The following DET1 variants were observed in gnomAD, a reference collection of about 807,000 sequenced individuals.
DET1 encodes the protein DET1 homolog.
DET1 carries 22 observed loss-of-function variants against 43.7 expected under a neutral mutation model. The ratio of observed to expected loss-of-function variants is 0.50; its 90% CI spans 0.36 to 0.72. DET1 has a LOEUF of 0.72. Ranked by LOEUF, DET1 falls within the 30% of genes least tolerant of loss-of-function variation. The pLI, the probability that DET1 is intolerant of heterozygous loss-of-function variation, is 0.00. For synonymous variants in DET1, 315 were observed against 266.2 expected, an observed-to-expected ratio of 1.18 and a Z score of -1.79; for missense variants, 713 against 713.3, an observed-to-expected ratio of 1.00 and a Z score of 0.00.
chr15:88,513,281 T>C (rs1340270227), intron 4 of DET1, 141 bp from the exon 5 acceptor site: 1 of 821,040 alleles, frequency 1.2e-6, no homozygotes, highest in Non-Finnish European at 1.9e-6. Context: ...CAGCCCCAGG[T>C]TATCAGAAGT....
intron 1 of DET1, among the ~76,000 whole-genome samples, chr15:88,541,406 G>A (rs1035708555): frequency 1.3e-5 from 2 of 150,832 alleles, no homozygotes; most frequent in East Asian, 2.0e-4. Context: ...CTGGTTCCCC[G>A]GGTCCCCTTA....
Position 88,543,931 on chromosome 15 carries a change from G to A in DET1, c.-11+2609C>T, listed in dbSNP as rs374176549. On this transcript the variant is annotated intron_variant, in intron 1 of 4. Transcript: ENST00000268148. Reference sequence around the variant, plus strand: ...TAGGCCACCGTCTCTGAGAAAACTCGCCAGAAGAAAAGTGGGAAATTGACT... The same window carrying A: ...TAGGCCACCGTCTCTGAGAAAACTCACCAGAAGAAAAGTGGGAAATTGACT... Among the ~76,000 whole-genome samples the A allele has an allele frequency of 7.5e-4, 114 of 152,292 alleles. No homozygotes were observed. In the South Asian group the frequency reaches 0.02, roughly 27 times the overall value.
At chr15:88,528,462 T>C (rs983614491) in intron 2 of DET1, among the ~76,000 whole-genome samples, 9 of 152,256 alleles carry the variant, frequency 5.9e-5, no homozygotes, top group African/African-American at 1.9e-4. Context: ...ATAAATGTTC[T>C]TTCAGCCAAG....
Position 88,532,802 on chromosome 15 carries a change from A to T in DET1, c.-10-1087T>A, listed in dbSNP as rs141934522. ...ACAAAAATTAACCCAAAATAGGAAA[A>T]GAATCTAAATATAAGACCCATAACT... is the stretch of plus-strand genomic sequence containing the variant. On this transcript the variant is annotated intron_variant, in intron 1 of 4. Transcript: ENST00000268148. 5.6e-3 allele frequency among the ~76,000 whole-genome samples: 846 copies of T among 152,368 alleles called. 10 individuals carry two copies. The highest frequency in any genetic ancestry group is 0.019 in the African/African-American group (810 of 41,592).
intron 2 of DET1, among the ~76,000 whole-genome samples, chr15:88,529,532 A>G (rs2142304187): frequency 6.6e-6 from 1 of 152,324 alleles, no homozygotes; most frequent in South Asian, 2.1e-4. Context: ...TTCTTTTTAG[A>G]ACACATAAAC....
At chr15:88,528,875 G>C (rs144278098) in intron 2 of DET1, among the ~76,000 whole-genome samples, 1 of 152,146 alleles carries the variant, frequency 6.6e-6, no homozygotes, top group African/African-American at 2.4e-5. Flanking sequence ...ATTAAATTTG[G>C]CTGTAAATTA....
rs546700079 is a variant in DET1 at position 88,516,880 on chromosome 15, G to A, written c.1365C>T (p.Tyr455=). Residue 455 remains tyrosine, a synonymous_variant, in exon 4 of 5, where the codon TAC becomes TAT. Coordinates refer to ENST00000268148, the MANE Select transcript of DET1 (RefSeq NM_001144074.3). The surrounding 1 kb of genome is among the most constrained non-coding windows in gnomAD (Gnocchi z 4.4). ...ACAAATCCAGATAGGGGCTACCGCTGTAAGACTGAGCACTGATGGGGAGCT... is the reference window on the plus strand; with the variant it reads ...ACAAATCCAGATAGGGGCTACCGCTATAAGACTGAGCACTGATGGGGAGCT... ...LGQLPISAQS[Y]SGSPYLDLSL... 2.5e-6 allele frequency: 4 copies of A among 1,611,554 alleles called. No homozygotes were observed. The highest frequency in any genetic ancestry group is 2.7e-5 in the African/African-American group (2 of 74,968).
chr15:88,522,512 G>GTTTTTTGTTTTTTT (rs759224241), intron 3 of DET1, among the ~76,000 whole-genome samples: 2 of 80,258 alleles, frequency 2.5e-5, no homozygotes, highest in African/African-American at 1.0e-4. Context: ...AATGTTCCTG[G>GTTTTTTGTTTTTTT]TTTTTTTTTT....
Position 88,531,433 on chromosome 15 carries a change from C to T in DET1, c.273G>A (p.Gln91=). ...ATCCCTGCAGTAGGTCCTCTGCTGC[C>T]TGGCAGCCCTGGTACTCATAGATTT... is the stretch of plus-strand genomic sequence containing the variant. ...SLEIYEYQGC[Q]AAEDLLQGYE... The change falls in exon 2 of 5, where the codon CAG becomes CAA. Residue 91 remains glutamine (Q), a synonymous_variant. Coordinates refer to ENST00000268148, the MANE Select transcript of DET1 (RefSeq NM_001144074.3). This position sits in a 1 kb window ranked among gnomAD's most constrained non-coding sequence, Gnocchi z 6.2. 1 of 1,614,046 alleles carries T rather than the reference C, an allele frequency of 6.2e-7. No homozygotes were observed. Among genetic ancestry groups the T allele is most frequent in the Middle Eastern group, 1.6e-4 (1 of 6,062 alleles).
chr15:88,543,552 C>T lies in DET1; in HGVS notation c.-11+2988G>A, dbSNP rs553187540. Reference sequence around the variant, plus strand: ...AAGATGTGGCCCTAGAGAAGGCGGACGCCGCTGTGTTCACAGATGGTAGCA... The same window carrying T: ...AAGATGTGGCCCTAGAGAAGGCGGATGCCGCTGTGTTCACAGATGGTAGCA... On this transcript the variant is annotated intron_variant, in intron 1 of 4. Coordinates refer to ENST00000268148, the MANE Select transcript of DET1 (RefSeq NM_001144074.3). Among the ~76,000 whole-genome samples, 14 of 152,304 alleles carry T rather than the reference C, an allele frequency of 9.2e-5. No individual in the cohort carries two copies. In the South Asian group the frequency reaches 1.0e-3, roughly 11 times the overall value.
intron 8 of DET1, chr15:88,501,990 T>C (rs2056093162): frequency 6.6e-6 from 1 of 152,214 alleles, no homozygotes; most frequent in Admixed American, 6.5e-5. Context: ...GCATGAACTG[T>C]GGTGAAGGCT....
chr15:88,519,791 A>G (rs1328945436), intron 3 of DET1, among the ~76,000 whole-genome samples: 2 of 152,186 alleles, frequency 1.3e-5, no homozygotes, highest in African/African-American at 2.4e-5. Context: ...TGGCTGTAGA[A>G]AAAACATACA....
At chr15:88,519,297 C>G (rs1421527628) in intron 3 of DET1, among the ~76,000 whole-genome samples, 1 of 152,142 alleles carries the variant, frequency 6.6e-6, no homozygotes, top group Non-Finnish European at 1.5e-5. Flanking sequence ...TCACTCTGTC[C>G]AGCTATACCT....
chr15:88,537,662 C>G (rs139216628), intron 1 of DET1, among the ~76,000 whole-genome samples: 2 of 152,216 alleles, frequency 1.3e-5, no homozygotes, highest in Non-Finnish European at 2.9e-5. Context: ...CCGACCAGTA[C>G]GCAAACACTA....
chr15:88,531,306 C>T lies in DET1; in HGVS notation c.400G>A (p.Ala134Thr). The T allele has an allele frequency of 6.2e-7, 1 of 1,613,914 alleles. No homozygotes were observed. The highest frequency in any genetic ancestry group is 8.5e-7 in the Non-Finnish European group (1 of 1,179,856). ...CGGTTCAGGTGCTCACCATTGGCCG[C>T]AACATTGGTAATGTGCAGCAGGACA... ...FFVLLHITNV[A>T]ANGEHLNREC... Residue 134 changes from alanine to threonine, a missense_variant, in exon 2 of 5, where the codon GCG becomes ACG. Physicochemically the swap from Ala to Thr is moderately conservative, Grantham distance 58. Coordinates refer to ENST00000268148, the MANE Select transcript of DET1 (RefSeq NM_001144074.3). This position sits in a 1 kb window ranked among gnomAD's most constrained non-coding sequence, Gnocchi z 6.2.
At chr15:88,520,274 A>G (rs2056454215) in intron 3 of DET1, among the ~76,000 whole-genome samples, 2 of 152,162 alleles carry the variant, frequency 1.3e-5, no homozygotes, top group Admixed American at 6.5e-5. Flanking sequence ...TTCAGCTCCC[A>G]TTGTAATAAA....
At chr15:88,509,784 A>C (rs1174196500), downstream of DET1, among the ~76,000 whole-genome samples, 1 of 152,214 alleles carries the variant, frequency 6.6e-6, no homozygotes, top group Admixed American at 6.5e-5. Flanking sequence ...CTTGCTTGTT[A>C]AGTGGCCATA....
At chr15:88,525,105 C>T (rs1284281652) in intron 3 of DET1, among the ~76,000 whole-genome samples, 3 of 151,934 alleles carry the variant, frequency 2.0e-5, no homozygotes, top group African/African-American at 7.3e-5. Flanking sequence ...TGTAAAATTC[C>T]CAATTATGGG....
In DET1 at chr15:88,512,891, A is replaced by C; in HGVS notation, c.*60T>G. The C allele has an allele frequency of 6.3e-7, 1 of 1,585,458 alleles. No individual in the cohort carries two copies. The highest frequency in any genetic ancestry group is 1.3e-5 in the African/African-American group (1 of 74,590). On this transcript the variant is annotated 3_prime_UTR_variant, in exon 5 of 5. Transcript: ENST00000268148. ...GTCGGGAGCTTTTGCTTTGGAGTCC[A>C]CTGAGATAAGTGAGTGGCAAAGTCT...
Sources: gnomAD v4.1 joint callset for allele counts (sites outside exome capture counted in the v4.1 genomes callset) on GRCh38, gnomAD v4.1.1 for gene constraint, Gnocchi (gnomAD v3.1) non-coding constraint, MANE v1.5 for transcripts, NCBI Gene and HGNC (gene_info 2026-07-23, HGNC 2026-07-21) for gene names.